The following CCDC40 variants were observed in gnomAD, a reference collection of about 807,000 sequenced individuals.
CCDC40 encodes the protein coiled-coil domain 40 molecular ruler complex subunit, also known as coiled-coil domain-containing protein 40.
CCDC40 carries 104 observed loss-of-function variants against 124.5 expected under a neutral mutation model. That is an observed-to-expected ratio of 0.84 (90% CI 0.71 to 0.98). The LOEUF is 0.98. CCDC40 is among the 50% of genes least tolerant of loss of function. The pLI is 0.00. For synonymous variants in CCDC40, 580 were observed against 602.9 expected (o/e 0.96, Z 0.56); for missense variants, 1,463 against 1,503.9 (o/e 0.97, Z 0.45).
chr17:80,081,612 G>A lies in CCDC40; in HGVS notation c.1629G>A (p.Lys543=). 1 of 1,614,138 alleles carries A rather than the reference G, an allele frequency of 6.2e-7. No homozygotes were observed. Among genetic ancestry groups the A allele is most frequent in the South Asian group, 1.1e-5 (1 of 91,088 alleles). The change falls in exon 11 of 20, where the codon AAG becomes AAA. Residue 543 remains lysine, a synonymous_variant. Transcript: ENST00000397545. ...EIEAYKKSIM[K]EEEKNEKLAS... ...AGGCCTATAAGAAATCCATCATGAA[G>A]GAGGAAGAAAAGAACGAGAAGCTGG...
chr17:80,067,945 A>C, intron 10 of CCDC40: 2 of 1,166,360 alleles, frequency 1.7e-6, no homozygotes, highest in Non-Finnish European at 2.1e-6. Context: ...ACGCACAAAC[A>C]CTTCACAACG....
rs916174738 is a variant in CCDC40, at chr17:80,073,143, C to T, written c.1562+7537C>T. 1.3e-4 allele frequency among the ~76,000 whole-genome samples: 20 copies of T among 152,240 alleles called. No individual in the cohort carries two copies. The East Asian group carries it at 3.7e-3, about 28-fold the overall frequency. On this transcript the variant is annotated intron_variant, in intron 10 of 19. Coordinates refer to ENST00000397545, the MANE Select transcript of CCDC40 (RefSeq NM_017950.4). ...TCAGCCTCCAGAGTAGCTGGGATTA[C>T]AGGCACATGCCACCATGCCCTGCTA... is the stretch of plus-strand genomic sequence containing the variant.
At chr17:80,043,605 C>CTTTTTTT (rs61278841) in intron 3 of CCDC40, among the ~76,000 whole-genome samples, 1 of 121,376 alleles carries the variant, frequency 8.2e-6, no homozygotes, top group South Asian at 2.6e-4. Context: ...TCTCCTCTTC[C>CTTTTTTT]TTTTTTTTTT....
In CCDC40 at chr17:80,084,869, A is replaced by G. The variant is rs770751519; in HGVS notation, c.2116A>G (p.Asn706Asp). Residue 706 changes from asparagine (N) to aspartate (D), a missense_variant, in exon 13 of 20, where the codon AAC becomes GAC. Physicochemically the swap from Asn to Asp is conservative, Grantham distance 23 (BLOSUM62 1). Coordinates refer to ENST00000397545, the MANE Select transcript of CCDC40 (RefSeq NM_017950.4). ...GCTGGACCAGGACGTGAAGAAAGTC[A>G]ACGAGCTCATCACCAACAGCCAGAG... ...VELDQDVKKV[N>D]ELITNSQSEI... 3.1e-6 allele frequency: 5 copies of G among 1,614,168 alleles called. No individual in the cohort carries two copies. The Admixed American group carries it at 8.3e-5, about 27-fold the overall frequency.
chr17:80,049,427 A>T (rs1286920939), intron 5 of CCDC40, among the ~76,000 whole-genome samples: 1 of 151,622 alleles, frequency 6.6e-6, no homozygotes, highest in Non-Finnish European at 1.5e-5. Flanking sequence ...AAAAAAAAAA[A>T]ATGTCTCCAG....
At chr17:80,037,688 A>AAAAATATATAT in intron 1 of CCDC40, among the ~76,000 whole-genome samples, 2 of 45,678 alleles carry the variant, frequency 4.4e-5, no homozygotes, top group African/African-American at 1.2e-4. Flanking sequence ...TTTTTTAAAA[A>AAAAATATATAT]AGATATACAT....
In CCDC40 at chr17:80,037,688, AAG is replaced by A. The variant is rs1419400322; in HGVS notation, c.30-433_30-432del. On this transcript the variant is annotated intron_variant, in intron 1 of 19. Transcript: ENST00000397545. ...AGCTTGAATCTTTAATTTTTTAAAA[AAG>A]ATATACATATATATATATATATATA... is the stretch of plus-strand genomic sequence containing the variant. Among the ~76,000 whole-genome samples the A allele has an allele frequency of 3.7e-4, 17 of 45,674 alleles. 1 individual carries two copies. Among genetic ancestry groups the A allele is most frequent in the African/African-American group, 9.4e-4 (16 of 16,940 alleles). The allele number at this position is 45,674 out of a possible 152,430, so 30.0% of individuals were successfully genotyped here.
At chr17:80,081,318 G>A (rs1398951012) in intron 10 of CCDC40, 1 of 272,444 alleles carries the variant, frequency 3.7e-6, no homozygotes, top group Non-Finnish European at 7.1e-6. Flanking sequence ...CCGGCAGGCG[G>A]AGGTTGCAGT....
chr17:80,038,350 G>GT (rs1251990216), intron 2 of CCDC40, among the ~76,000 whole-genome samples, 164 bp downstream of exon 2: 2 of 152,126 alleles, frequency 1.3e-5, no homozygotes, highest in African/African-American at 4.8e-5. Flanking sequence ...GGCCAACATG[G>GT]TAAAACCCCA....
chr17:80,038,838 A>G (rs1165565221), intron 2 of CCDC40, among the ~76,000 whole-genome samples: 2 of 152,182 alleles, frequency 1.3e-5, no homozygotes, highest in South Asian at 2.1e-4. Context: ...ATAGATAAAT[A>G]AAATTAAATT....
intron 1 of CCDC40, 48 bp downstream of exon 1, chr17:80,036,739 T>C: frequency 6.9e-7 from 1 of 1,455,768 alleles, no homozygotes; most frequent in Admixed American, 2.3e-5. Context: ...CAGGCCGCGC[T>C]CTCCGTTCAC....
chr17:80,093,981 A>G (rs890161008), intron 17 of CCDC40, among the ~76,000 whole-genome samples: 1 of 152,138 alleles, frequency 6.6e-6, no homozygotes, highest in African/African-American at 2.4e-5. Context: ...TGTGGCTCCA[A>G]GTCACTTTAT....
At chr17:80,068,369 A>T (rs1181383259) in intron 10 of CCDC40, among the ~76,000 whole-genome samples, 1 of 152,060 alleles carries the variant, frequency 6.6e-6, no homozygotes, top group East Asian at 1.9e-4. Context: ...GAACATTGTG[A>T]GAAGTATAAA....
chr17:80,065,945 A>G (rs1291772419), intron 10 of CCDC40: 6 of 613,038 alleles, frequency 9.8e-6, no homozygotes, highest in African/African-American at 1.8e-5. Flanking sequence ...GAGTGCGGAA[A>G]CCCCATCCCT....
chr17:80,094,344 G>A (rs909041789), intron 17 of CCDC40, among the ~76,000 whole-genome samples: 6 of 151,968 alleles, frequency 3.9e-5, no homozygotes, highest in Non-Finnish European at 8.8e-5. Flanking sequence ...TCTGGGAGGT[G>A]GAAGTTGCGG....
chr17:80,044,706 C>A (rs1261013415), intron 3 of CCDC40, among the ~76,000 whole-genome samples: 2 of 74,086 alleles, frequency 2.7e-5, no homozygotes, highest in Admixed American at 1.2e-4. Flanking sequence ...AACAAACAAA[C>A]AAAAAAAAAA....
chr17:80,067,214 C>A (rs11871701), intron 10 of CCDC40: 10,439 of 335,802 alleles, frequency 0.031, 936 homozygotes, highest in African/African-American at 0.2. Flanking sequence ...CCCAGACTAA[C>A]CAGTGTCCTC....
chr17:80,090,759 T>G, intron 17 of CCDC40: 1 of 1,367,546 alleles, frequency 7.3e-7, no homozygotes, highest in Non-Finnish European at 9.4e-7. Context: ...TTCAGGGCCT[T>G]AAGGATAACA....
intron 1 of CCDC40, 72 bp downstream of exon 1, chr17:80,036,763 C>A: frequency 7.2e-7 from 1 of 1,397,824 alleles, no homozygotes; most frequent in Non-Finnish European, 9.5e-7. Flanking sequence ...TCCAGGTGGC[C>A]CCCGCGTCGG....
Sources: allele counts gnomAD v4.1 joint callset (sites outside exome capture counted in the v4.1 genomes callset), GRCh38; gene constraint gnomAD v4.1.1; transcripts MANE v1.5; gene names NCBI Gene and HGNC (gene_info 2026-07-23, HGNC 2026-07-21).